Variants in COLQ observed in about 807,000 individuals in gnomAD.
The protein encoded by COLQ is collagen like tail subunit of asymmetric acetylcholinesterase.
In COLQ, 48 loss-of-function variants were observed where a neutral mutation model predicts 69.0. That is an observed-to-expected ratio of 0.70 (90% CI 0.55 to 0.88). COLQ has a LOEUF of 0.88. Ranked by LOEUF, COLQ falls within the 40% of genes least tolerant of loss-of-function variation. COLQ has a pLI of 0.00. For missense variants in COLQ, 618 were observed against 594.6 expected, an observed-to-expected ratio of 1.04 and a Z score of -0.41; for synonymous variants, 217 against 211.2, an observed-to-expected ratio of 1.03 and a Z score of -0.24.
chr3:15,511,085 G>A (rs2062979113), intron 1 of COLQ, among the ~76,000 whole-genome samples: 1 of 152,174 alleles, frequency 6.6e-6, no homozygotes, highest in Admixed American at 6.5e-5. Flanking sequence ...CAAATAGCAT[G>A]TTAGCCACAA....
At chr3:15,469,162 C>T (rs999936504) in intron 11 of COLQ, among the ~76,000 whole-genome samples, 1 of 152,202 alleles carries the variant, frequency 6.6e-6, no homozygotes, top group Non-Finnish European at 1.5e-5. Context: ...GGGCTCTTTT[C>T]TCTAACTTCT....
At position 15,473,422 on chromosome 3, in the gene COLQ, T is replaced by C. The variant is rs1055439328; in HGVS notation, c.636+578A>G. Among the ~76,000 whole-genome samples the C allele has an allele frequency of 1.3e-5, 2 of 152,172 alleles. No individual in the cohort carries two copies. The highest frequency in any genetic ancestry group is 1.3e-4 in the Admixed American group (2 of 15,282). ...ATCTGCCCACCTCGGCCTCCCAAAG[T>C]GCTGGGATTACAGGCATGAGGCACC... On this transcript the variant is annotated intron_variant, in intron 10 of 16. Coordinates refer to ENST00000383788, the MANE Select transcript of COLQ (RefSeq NM_005677.4). This position sits in a 1 kb window ranked among gnomAD's most constrained non-coding sequence, Gnocchi z 4.0.
At chr3:15,465,283 T>TATTG in intron 12 of COLQ, among the ~76,000 whole-genome samples, 1 of 148,316 alleles carries the variant, frequency 6.7e-6, no homozygotes, top group Non-Finnish European at 1.5e-5. Context: ...TTTATTTATT[T>TATTG]TGAGATGGAG....
rs529813910 is a variant in COLQ, at chr3:15,468,052, A to G, written c.718-1615T>C. The G allele has an allele frequency of 1.6e-5, 7 of 440,676 alleles. No individual in the cohort carries two copies. In the East Asian group the frequency reaches 3.5e-4, roughly 22 times the overall value. The allele number at this position is 440,676 out of a possible 1,614,324, so 27.3% of individuals were successfully genotyped here. On this transcript the variant is annotated intron_variant, in intron 11 of 16. Coordinates refer to ENST00000383788, the MANE Select transcript of COLQ (RefSeq NM_005677.4). ...GGCAAAGGAAGTCACACATCTTAAT[A>G]TAGCCACAGTTCAGTCTTGTTTTTC...
At chr3:15,456,415 T>C in intron 14 of COLQ, 45 bp downstream of exon 14, 1 of 1,611,038 alleles carries the variant, frequency 6.2e-7, no homozygotes, top group Non-Finnish European at 8.5e-7. Flanking sequence ...GATGCATCTC[T>C]CTCCTGGGCA....
intron 1 of COLQ, among the ~76,000 whole-genome samples, chr3:15,492,389 G>A (rs1237735584): frequency 6.6e-6 from 1 of 152,012 alleles, no homozygotes; most frequent in Non-Finnish European, 1.5e-5. Flanking sequence ...GCATAAGGCC[G>A]GGCACAGTGG....
Position 15,466,355 on chromosome 3 carries a change from C to A in COLQ, c.800G>T (p.Gly267Val), listed in dbSNP as rs774848044. 21 of 1,613,708 alleles carry A rather than the reference C, an allele frequency of 1.3e-5. No individual in the cohort carries two copies. The highest frequency in any genetic ancestry group is 1.8e-5 in the Non-Finnish European group (21 of 1,179,766). ...SGQPGRPGPP[G>V]PPPAGQLIMG... Reference sequence around the variant, plus strand: ...GTAGCTCTTACCTGCAGGTGGGGGGCCTGGGGGCCCCGGACGGCCAGGTTG... The same window carrying A: ...GTAGCTCTTACCTGCAGGTGGGGGGACTGGGGGCCCCGGACGGCCAGGTTG... The change falls in exon 12 of 17, where the codon GGC (glycine) becomes GTC (valine). Residue 267 changes from glycine to valine, a missense_variant. By Grantham distance (109) the Gly-to-Val change is moderately radical (BLOSUM62 -3). Transcript: ENST00000383788.
intron 1 of COLQ, among the ~76,000 whole-genome samples, chr3:15,497,641 G>C (rs2062764224): frequency 6.6e-6 from 1 of 152,190 alleles, no homozygotes; most frequent in South Asian, 2.1e-4. Flanking sequence ...GGACTAGTCA[G>C]CTTTTTACTT....
intron 1 of COLQ, among the ~76,000 whole-genome samples, chr3:15,497,409 C>T (rs2062761380): frequency 6.6e-6 from 1 of 152,116 alleles, no homozygotes; most frequent in Admixed American, 6.5e-5. Flanking sequence ...TTCATCTACC[C>T]TCTTGCAAGG....
intron 1 of COLQ, among the ~76,000 whole-genome samples, chr3:15,515,679 G>T (rs910043299): frequency 2.6e-5 from 4 of 152,136 alleles, no homozygotes; most frequent in Non-Finnish European, 1.5e-5. Context: ...GGTGGTGGGA[G>T]CCTGTAATCC....
intron 1 of COLQ, among the ~76,000 whole-genome samples, chr3:15,492,448 C>T (rs2062682955): frequency 6.6e-6 from 1 of 152,124 alleles, no homozygotes; most frequent in Non-Finnish European, 1.5e-5. Flanking sequence ...GGGTGGGTCA[C>T]GAGGTCAGGA....
intron 1 of COLQ, among the ~76,000 whole-genome samples, chr3:15,516,868 G>C (rs1426449690): frequency 6.6e-6 from 1 of 152,218 alleles, no homozygotes; most frequent in African/African-American, 2.4e-5. Context: ...AAGAATCCAG[G>C]CCAGGCGTGG....
At chr3:15,486,314 T>C (rs2125134062) in intron 3 of COLQ, among the ~76,000 whole-genome samples, 1 of 152,248 alleles carries the variant, frequency 6.6e-6, no homozygotes. Flanking sequence ...TAGAATGAAT[T>C]TGTCAGGGGG....
intron 11 of COLQ, chr3:15,467,707 A>G: frequency 2.6e-6 from 1 of 380,602 alleles, no homozygotes; most frequent in East Asian, 7.2e-5. Flanking sequence ...GCAGTGATTG[A>G]CACTTGCCAT....
At chr3:15,454,687 G>T (rs1223366142) in intron 15 of COLQ, among the ~76,000 whole-genome samples, 1 of 134,726 alleles carries the variant, frequency 7.4e-6, no homozygotes, top group Non-Finnish European at 1.5e-5. Context: ...ACAGGGTCTC[G>T]CTCTGTTTCC....
rs201856842 is a variant in COLQ, at chr3:15,478,990, C to T, written c.380G>A (p.Arg127Gln). The change falls in exon 5 of 17, where the codon CGA becomes CAA. Residue 127 changes from arginine (R) to glutamine (Q), a missense_variant. By Grantham distance (43) the Arg-to-Gln change is conservative. Coordinates refer to ENST00000383788, the MANE Select transcript of COLQ (RefSeq NM_005677.4). ...CGCAGACCATACCTTCCTTCCTGGTCGGCCAAGCTCCCCCTATGGATGGAG... is the reference window on the plus strand; with the variant it reads ...CGCAGACCATACCTTCCTTCCTGGTTGGCCAAGCTCCCCCTATGGATGGAG... ...GPKGEKGELG[R>Q]PGRKGRPGPP... 1.6e-5 allele frequency: 26 copies of T among 1,614,152 alleles called. No individual in the cohort carries two copies. The highest frequency in any genetic ancestry group is 9.9e-5 in the South Asian group (9 of 91,072).
rs1160523723 is a variant in COLQ at position 15,477,178 on chromosome 3, C to T, written c.413G>A (p.Gly138Asp). 6.2e-7 allele frequency: 1 copy of T among 1,606,556 alleles called. No homozygotes were observed. The highest frequency in any genetic ancestry group is 1.1e-5 in the South Asian group (1 of 89,168). The part of the protein sequence containing the change: ...PGRKGRPGPP[G>D]VPGMPGPIGW... ...GATGGGCCCAGGCATGCCAGGAACA[C>T]CTGGGGGGCCAGGTCTACCCTTCAA... Residue 138 changes from glycine to aspartate, a missense_variant, in exon 6 of 17, where the codon GGT becomes GAT. Gly to Asp is a moderately conservative substitution (Grantham distance 94). Transcript: ENST00000383788.
intron 1 of COLQ, among the ~76,000 whole-genome samples, chr3:15,495,045 A>G (rs1025613357): frequency 1.3e-5 from 2 of 152,214 alleles, no homozygotes; most frequent in African/African-American, 4.8e-5. Flanking sequence ...TCATATAGCT[A>G]GTAAGTGACA....
In COLQ at chr3:15,450,163, T is replaced by C. The variant is rs978529895; in HGVS notation, c.*1481A>G. ...AAATGAACTGCCTTTATTTTTTTATTTCCCATCCAGAAACCCCAGTGTGAT... is the reference window on the plus strand; with the variant it reads ...AAATGAACTGCCTTTATTTTTTTATCTCCCATCCAGAAACCCCAGTGTGAT... On this transcript the variant is annotated 3_prime_UTR_variant, in exon 17 of 17. Transcript: ENST00000383788. 1.3e-5 allele frequency: 2 copies of C among 152,698 alleles called. No homozygotes were observed. Among genetic ancestry groups the C allele is most frequent in the African/African-American group, 4.8e-5 (2 of 41,424 alleles). 9.5% of individuals were successfully genotyped at this position (152,698 alleles called of 1,614,324 possible).
Sources: allele counts gnomAD v4.1 joint callset (sites outside exome capture counted in the v4.1 genomes callset), GRCh38; gene constraint gnomAD v4.1.1; non-coding constraint Gnocchi (gnomAD v3.1); transcripts MANE v1.5; gene names NCBI Gene and HGNC (gene_info 2026-07-23, HGNC 2026-07-21).